GPC6: variants seen among roughly 807,000 people sequenced by gnomAD.
GPC6 encodes glypican-6.
A neutral mutation model predicts 55.2 loss-of-function variants in GPC6; 14 were observed. The ratio of observed to expected loss-of-function variants is 0.25; its 90% confidence interval spans 0.17 to 0.40. The LOEUF (loss-of-function observed/expected upper bound fraction) is 0.40. Ranked by LOEUF, GPC6 falls within the 10% of genes least tolerant of loss-of-function variation. GPC6 has a pLI of 1.00. For synonymous variants in GPC6, 278 were observed against 259.6 expected (o/e 1.07, Z -0.68); for missense variants, 641 against 708.5 (o/e 0.90, Z 1.08).
chr13:94,162,016 G>A (rs1888185865), intron 4 of GPC6, among the ~76,000 whole-genome samples: 1 of 152,102 alleles, frequency 6.6e-6, no homozygotes, highest in Non-Finnish European at 1.5e-5. Context: ...AGGACGGTAT[G>A]GGAGAAACCA....
intron 1 of GPC6, among the ~76,000 whole-genome samples, chr13:93,320,987 G>A (rs1879418247): frequency 1.3e-5 from 2 of 152,102 alleles, no homozygotes; most frequent in South Asian, 2.1e-4. Flanking sequence ...GCTTATAAAT[G>A]AAAAGGTTCA....
At chr13:93,600,646 C>T (rs1034884950) in intron 2 of GPC6, among the ~76,000 whole-genome samples, 1 of 152,042 alleles carries the variant, frequency 6.6e-6, no homozygotes, top group African/African-American at 2.4e-5. Context: ...TTTATGTAAC[C>T]TTCCTTTTTT....
intron 2 of GPC6, among the ~76,000 whole-genome samples, chr13:93,574,160 A>G (rs1236956004): frequency 1.3e-5 from 2 of 152,198 alleles, no homozygotes; most frequent in South Asian, 2.1e-4. Flanking sequence ...CCAAAAAGGT[A>G]TGTTAAAGTC....
chr13:93,759,240 C>T (rs959276655), intron 2 of GPC6, among the ~76,000 whole-genome samples: 2 of 152,178 alleles, frequency 1.3e-5, no homozygotes, highest in Non-Finnish European at 2.9e-5. Context: ...TCCAGACTTA[C>T]CATCCTGAGG....
At chr13:93,458,996 G>T (rs184185265) in intron 1 of GPC6, among the ~76,000 whole-genome samples, 2 of 152,084 alleles carry the variant, frequency 1.3e-5, no homozygotes, top group Non-Finnish European at 2.9e-5. Context: ...TGATAATACC[G>T]TAATGGAGAC....
intron 4 of GPC6, among the ~76,000 whole-genome samples, chr13:94,071,982 A>G (rs1332561720): frequency 6.6e-6 from 1 of 152,238 alleles, no homozygotes; most frequent in African/African-American, 2.4e-5. Context: ...TTAAGCATTT[A>G]TTCAGCATCA....
At chr13:93,303,275 A>G (rs1366212498) in intron 1 of GPC6, among the ~76,000 whole-genome samples, 1 of 152,218 alleles carries the variant, frequency 6.6e-6, no homozygotes, top group Non-Finnish European at 1.5e-5. Flanking sequence ...TGGTCACACC[A>G]CTTACTACCT....
intron 2 of GPC6, among the ~76,000 whole-genome samples, chr13:93,730,345 AAAAT>A (rs1241256879): frequency 1.3e-5 from 2 of 152,222 alleles, no homozygotes; most frequent in African/African-American, 4.8e-5. Context: ...CTGGATGGAA[AAAAT>A]AACAATTTGA....
chr13:93,531,428 G>A (rs1451085752), intron 1 of GPC6, among the ~76,000 whole-genome samples: 1 of 152,122 alleles, frequency 6.6e-6, no homozygotes, highest in Admixed American at 6.6e-5. Context: ...CTGCAGTGTT[G>A]AAGAAGAGTT....
At chr13:93,828,987 C>G (rs562988489) in intron 2 of GPC6, among the ~76,000 whole-genome samples, 4 of 151,980 alleles carry the variant, frequency 2.6e-5, no homozygotes, top group Non-Finnish European at 5.9e-5. Context: ...CAGAGAATAC[C>G]CAGAACCCCA....
intron 5 of GPC6, among the ~76,000 whole-genome samples, chr13:94,288,921 TATAACAA>T (rs1874760899): frequency 2.4e-5 from 3 of 125,328 alleles, no homozygotes; most frequent in African/African-American, 1.0e-4. Context: ...TTGTTATATA[TATAACAA>T]ATATAGATAG....
intron 2 of GPC6, among the ~76,000 whole-genome samples, chr13:93,747,136 CA>C (rs1352576085): frequency 6.6e-6 from 1 of 152,014 alleles, no homozygotes; most frequent in East Asian, 1.9e-4. Flanking sequence ...ATTGAACTGG[CA>C]GAAGAAAGAA....
At chr13:93,795,467 T>G (rs1036611869) in intron 2 of GPC6, among the ~76,000 whole-genome samples, 4 of 152,224 alleles carry the variant, frequency 2.6e-5, no homozygotes, top group African/African-American at 7.2e-5. Flanking sequence ...TCAACACCTC[T>G]GACAAAACTG....
chr13:93,596,267 C>T (rs1295015955), intron 2 of GPC6, among the ~76,000 whole-genome samples: 2 of 151,938 alleles, frequency 1.3e-5, no homozygotes, highest in African/African-American at 4.8e-5. Context: ...TGTTCGTGTG[C>T]TGGAAAAATT....
At chr13:94,294,339 A>G (rs1362484649) in intron 5 of GPC6, among the ~76,000 whole-genome samples, 1 of 151,936 alleles carries the variant, frequency 6.6e-6, no homozygotes, top group Non-Finnish European at 1.5e-5. Flanking sequence ...AATTCTTACT[A>G]CCGACGAGGG....
At chr13:93,350,035 G>A (rs1488849281) in intron 1 of GPC6, among the ~76,000 whole-genome samples, 1 of 152,178 alleles carries the variant, frequency 6.6e-6, no homozygotes, top group Non-Finnish European at 1.5e-5. Flanking sequence ...AGTCTTTTGA[G>A]ACAGTACTTA....
rs75282278 is a variant in GPC6, at chr13:93,849,428, T to C, written c.711+18883T>C. On this transcript the variant is annotated intron_variant, in intron 3 of 8. Transcript: ENST00000377047. ...TAGCTTCTTTTTAGGTTTTTTGGAATATCCAGCTCGAAAGACATTGTAGAT... is the reference window on the plus strand; with the variant it reads ...TAGCTTCTTTTTAGGTTTTTTGGAACATCCAGCTCGAAAGACATTGTAGAT... 8.8e-3 allele frequency among the ~76,000 whole-genome samples: 1,342 copies of C among 152,224 alleles called. 26 individuals are homozygous for C. The highest frequency in any genetic ancestry group is 0.031 in the African/African-American group (1,280 of 41,548).
intron 1 of GPC6, among the ~76,000 whole-genome samples, chr13:93,400,719 C>T (rs1307266579): frequency 6.6e-6 from 1 of 151,932 alleles, no homozygotes; most frequent in Non-Finnish European, 1.5e-5. Flanking sequence ...CGTAGTATAC[C>T]TACTATATAC....
chr13:93,351,930 T>C (rs564958428), intron 1 of GPC6, among the ~76,000 whole-genome samples: 4 of 152,226 alleles, frequency 2.6e-5, no homozygotes, highest in Non-Finnish European at 5.9e-5. Flanking sequence ...TAGAAGCAGA[T>C]TTTTTCAGTA....
Sources: gnomAD v4.1 joint callset for allele counts (sites outside exome capture counted in the v4.1 genomes callset) on GRCh38, gnomAD v4.1.1 for gene constraint, MANE v1.5 for transcripts, NCBI Gene and HGNC (gene_info 2026-07-23, HGNC 2026-07-21) for gene names.